TNRC6B: variants seen among roughly 807,000 people sequenced by gnomAD.
TNRC6B encodes trinucleotide repeat containing adaptor 6B, also known as trinucleotide repeat-containing gene 6B protein.
In TNRC6B, 52 loss-of-function variants were observed where a neutral mutation model predicts 203.6. The observed-to-expected ratio is 0.26, with a 90% confidence interval of 0.20 to 0.32. The LOEUF is 0.32. Ranked by LOEUF, TNRC6B falls within the 10% of genes least tolerant of loss-of-function variation. The pLI is 1.00. For missense variants in TNRC6B, 1,923 were observed against 2,286.2 expected (o/e 0.84, Z 3.24); for synonymous variants, 838 against 845.7 (o/e 0.99, Z 0.16).
intron 3 of TNRC6B, among the ~76,000 whole-genome samples, chr22:40,256,471 T>A (rs532993364): frequency 2.6e-5 from 4 of 152,342 alleles, no homozygotes; most frequent in Admixed American, 2.0e-4. Flanking sequence ...TTTTTTGTAC[T>A]GCCCATGAGC....
At chr22:40,121,751 A>T in intron 2 of TNRC6B, among the ~76,000 whole-genome samples, 1 of 152,252 alleles carries the variant, frequency 6.6e-6, no homozygotes, top group East Asian at 1.9e-4. Flanking sequence ...AAAGCCCCCA[A>T]CCCTTTGCTA....
At chr22:40,245,583 A>G (rs890520390) in intron 1 of TNRC6B, among the ~76,000 whole-genome samples, 1 of 152,160 alleles carries the variant, frequency 6.6e-6, no homozygotes, top group East Asian at 1.9e-4. Context: ...AAAACACCTA[A>G]TTTATGATAA....
At chr22:40,264,541 A>G (rs1028735438) in intron 4 of TNRC6B, 147 bp from the exon 5 acceptor site, 1 of 817,546 alleles carries the variant, frequency 1.2e-6, no homozygotes, top group East Asian at 2.8e-5. Context: ...GATGACTAAG[A>G]CAGTTGTGAT....
At chr22:40,060,975 G>C (rs2067845199) in intron 1 of TNRC6B, among the ~76,000 whole-genome samples, 1 of 152,152 alleles carries the variant, frequency 6.6e-6, no homozygotes, top group South Asian at 2.1e-4. Flanking sequence ...ATCAATTAGA[G>C]AATGGTGGAA....
intron 1 of TNRC6B, among the ~76,000 whole-genome samples, chr22:40,088,289 A>AC (rs1450302363): frequency 6.6e-6 from 1 of 152,232 alleles, no homozygotes; most frequent in Non-Finnish European, 1.5e-5. Flanking sequence ...CAGGAACTGG[A>AC]CAGCGGGCCT....
chr22:40,229,314 T>G (rs1446630591), intron 1 of TNRC6B, among the ~76,000 whole-genome samples: 1 of 152,192 alleles, frequency 6.6e-6, no homozygotes, highest in East Asian at 1.9e-4. Flanking sequence ...ATTTACAGAT[T>G]TGTGATCTTA....
intron 1 of TNRC6B, among the ~76,000 whole-genome samples, chr22:40,093,824 C>G (rs2146298990): frequency 6.6e-6 from 1 of 151,840 alleles, no homozygotes; most frequent in East Asian, 1.9e-4. Flanking sequence ...AATAGGATGA[C>G]AAGTGGGAAT....
intron 1 of TNRC6B, among the ~76,000 whole-genome samples, chr22:40,191,096 G>T (rs9611288): frequency 0.28 from 42,027 of 152,002 alleles, 6,537 homozygotes; most frequent in African/African-American, 0.41. Context: ...CTCCCCCAAG[G>T]AGGAAACATC....
intron 1 of TNRC6B, among the ~76,000 whole-genome samples, chr22:40,203,605 T>C (rs2069441223): frequency 6.6e-6 from 1 of 151,508 alleles, no homozygotes; most frequent in Non-Finnish European, 1.5e-5. Flanking sequence ...TTAGTTATAA[T>C]AAGCTCTGTA....
chr22:40,201,077 C>T (rs2069406422), intron 1 of TNRC6B, among the ~76,000 whole-genome samples: 1 of 152,192 alleles, frequency 6.6e-6, no homozygotes, highest in Non-Finnish European at 1.5e-5. Flanking sequence ...TTGTGGGTGG[C>T]ACATGGCAAG....
At chr22:40,110,803 C>T (rs538288719) in intron 1 of TNRC6B, among the ~76,000 whole-genome samples, 1 of 152,368 alleles carries the variant, frequency 6.6e-6, no homozygotes, top group East Asian at 1.9e-4. Context: ...GCAAGTAGTA[C>T]ACTGCCCTCA....
chr22:40,283,903 T>G (rs1229308035), intron 11 of TNRC6B, among the ~76,000 whole-genome samples: 1 of 152,248 alleles, frequency 6.6e-6, no homozygotes, highest in African/African-American at 2.4e-5. Flanking sequence ...GCAGGAACTT[T>G]AGTTACCAGT....
chr22:40,103,764 T>G (rs889822242), intron 1 of TNRC6B, among the ~76,000 whole-genome samples: 2 of 149,426 alleles, frequency 1.3e-5, no homozygotes, highest in African/African-American at 2.5e-5. Flanking sequence ...TGTCTCAGCC[T>G]CCCGAGTGAC....
chr22:40,196,454 G>A (rs62236841), intron 1 of TNRC6B, among the ~76,000 whole-genome samples: 2,962 of 152,184 alleles, frequency 0.019, 76 homozygotes, highest in Non-Finnish European at 0.031. Context: ...ATAAATGAGT[G>A]CCTCAGTGGT....
At chr22:40,257,750 C>T (rs1034059435) in intron 3 of TNRC6B, among the ~76,000 whole-genome samples, 14 of 151,622 alleles carry the variant, frequency 9.2e-5, no homozygotes, top group Non-Finnish European at 1.8e-4. Context: ...CGGCCAGGTG[C>T]GGTGGCTCAC....
intron 1 of TNRC6B, among the ~76,000 whole-genome samples, chr22:40,186,737 CAAA>C (rs540875411): frequency 8.2e-6 from 1 of 121,990 alleles, no homozygotes; most frequent in African/African-American, 3.0e-5. Context: ...GACTCCATCT[CAAA>C]AAAAAAAAAA....
At chr22:40,312,785 T>A in intron 18 of TNRC6B, 117 bp from the exon 19 acceptor site, 1 of 1,470,594 alleles carries the variant, frequency 6.8e-7, no homozygotes, top group Non-Finnish European at 9.4e-7. Context: ...TCACTTTTAT[T>A]TGTTAGACAT....
chr22:40,320,459 A>G (rs1239905384), intron 21 of TNRC6B, among the ~76,000 whole-genome samples: 1 of 152,210 alleles, frequency 6.6e-6, no homozygotes, highest in Non-Finnish European at 1.5e-5. Context: ...CAGCCTGGGC[A>G]ACAGAGCAAG....
At chr22:40,273,256 G>A (rs913210906) in intron 6 of TNRC6B, among the ~76,000 whole-genome samples, 169 bp from the exon 7 acceptor site, 4 of 152,180 alleles carry the variant, frequency 2.6e-5, no homozygotes, top group African/African-American at 9.7e-5. Flanking sequence ...AAGCTTTATG[G>A]ATTTTAGTTT....
Sources: allele counts gnomAD v4.1 joint callset (sites outside exome capture counted in the v4.1 genomes callset), GRCh38; gene constraint gnomAD v4.1.1; transcripts MANE v1.5; gene names NCBI Gene and HGNC (gene_info 2026-07-23, HGNC 2026-07-21).